NUMB: variants seen among roughly 807,000 people sequenced by gnomAD.
NUMB encodes the protein protein numb homolog.
In NUMB, 29 loss-of-function variants were observed where a neutral mutation model predicts 59.7. The observed-to-expected ratio is 0.49, with a 90% CI of 0.36 to 0.66. The LOEUF (loss-of-function observed/expected upper bound fraction) is 0.66, where lower values mean the gene tolerates loss of function less well. Among genes scored for constraint, NUMB ranks in the 30% least tolerant of loss-of-function variants. The pLI is 0.00. For missense variants in NUMB, 723 were observed against 822.0 expected (o/e 0.88, Z 1.47); for synonymous variants, 288 against 288.2 (o/e 1.00, Z 0.01).
intron 7 of NUMB, among the ~76,000 whole-genome samples, chr14:73,296,942 C>A (rs941686852): frequency 2.0e-5 from 3 of 151,550 alleles, no homozygotes; most frequent in African/African-American, 7.3e-5. Flanking sequence ...CCGAGGTGGG[C>A]GGATCACCTG....
chr14:73,390,636 G>GTTTTTT (rs1895795045), intron 2 of NUMB, among the ~76,000 whole-genome samples: 4 of 60,070 alleles, frequency 6.7e-5, no homozygotes, highest in African/African-American at 1.1e-4. Context: ...CAAAAACAAA[G>GTTTTTT]TCTTTTTTTT....
chr14:73,442,021 T>C (rs576711275), intron 1 of NUMB, among the ~76,000 whole-genome samples: 6 of 152,002 alleles, frequency 3.9e-5, no homozygotes, highest in African/African-American at 1.2e-4. Context: ...CCATATAACC[T>C]AGCAATTCCA....
intron 4 of NUMB, among the ~76,000 whole-genome samples, chr14:73,332,151 A>G (rs1447252219): frequency 6.6e-6 from 1 of 152,106 alleles, no homozygotes; most frequent in Non-Finnish European, 1.5e-5. Context: ...AGGAGGTTCC[A>G]GTTCTATGCT....
At chr14:73,280,169 A>T (rs997270067) in intron 11 of NUMB, among the ~76,000 whole-genome samples, 1 of 151,880 alleles carries the variant, frequency 6.6e-6, no homozygotes, top group East Asian at 1.9e-4. Context: ...ACAAAAAAAA[A>T]TTACTCTTTG....
At position 73,345,764 on chromosome 14, in the gene NUMB, C is replaced by T. The variant is rs147841409; in HGVS notation, c.126+9862G>A. Among the ~76,000 whole-genome samples, 63 of 151,742 alleles carry T rather than the reference C, an allele frequency of 4.2e-4. 1 individual carries two copies. Among genetic ancestry groups the T allele is most frequent in the African/African-American group, 1.4e-3 (60 of 41,398 alleles). On this transcript the variant is annotated intron_variant, in intron 4 of 12. Coordinates refer to ENST00000555238, the MANE Select transcript of NUMB (RefSeq NM_001005743.2). ...CTCTACTAAAAATACAAAAATTAGC[C>T]GGGCGTGGTGGCAGGCACCTGTAAT...
chr14:73,416,437 A>G (rs1425544754), intron 1 of NUMB, among the ~76,000 whole-genome samples: 1 of 151,942 alleles, frequency 6.6e-6, no homozygotes, highest in Non-Finnish European at 1.5e-5. Context: ...CAACAATGGC[A>G]TATCAGTATA....
intron 2 of NUMB, among the ~76,000 whole-genome samples, chr14:73,380,049 G>A (rs1895152895): frequency 6.6e-6 from 1 of 152,186 alleles, no homozygotes; most frequent in South Asian, 2.1e-4. Flanking sequence ...GGTGACAATA[G>A]CTTGGACCAG....
intron 4 of NUMB, among the ~76,000 whole-genome samples, chr14:73,344,900 T>C (rs956510578): frequency 2.9e-4 from 44 of 152,206 alleles, no homozygotes; most frequent in Non-Finnish European, 1.2e-4. Flanking sequence ...AATACCAGCA[T>C]TAAAAAATAT....
At chr14:73,401,790 C>T (rs1047514161) in intron 2 of NUMB, among the ~76,000 whole-genome samples, 5 of 152,046 alleles carry the variant, frequency 3.3e-5, no homozygotes, top group Admixed American at 6.5e-5. Flanking sequence ...AGGATGGTCT[C>T]GATCTCCTGA....
At chr14:73,313,595 A>G (rs1279289878) in intron 6 of NUMB, among the ~76,000 whole-genome samples, 1 of 149,584 alleles carries the variant, frequency 6.7e-6, no homozygotes, top group African/African-American at 2.5e-5. Context: ...TAAAACACAA[A>G]TAACTTCTGC....
chr14:73,444,184 C>T (rs1180244318), intron 1 of NUMB, among the ~76,000 whole-genome samples: 1 of 152,128 alleles, frequency 6.6e-6, no homozygotes, highest in Admixed American at 6.6e-5. Flanking sequence ...TGGATCACGA[C>T]ATCAGGAGAT....
At chr14:73,299,585 TCATGTCATATATATGATATGA>T (rs1450509279) in intron 6 of NUMB, among the ~76,000 whole-genome samples, 8 of 128,762 alleles carry the variant, frequency 6.2e-5, no homozygotes, top group African/African-American at 7.7e-5. Flanking sequence ...ATGACATATG[TCATGTCATATATATGATATGA>T]CATATATATG....
chr14:73,391,292 T>TC (rs1488212301), intron 2 of NUMB, among the ~76,000 whole-genome samples: 1 of 151,104 alleles, frequency 6.6e-6, no homozygotes, highest in Admixed American at 6.6e-5. Flanking sequence ...TCTTTTTTTT[T>TC]TTTTGGATGA....
chr14:73,440,864 C>T (rs1293155530), intron 1 of NUMB, among the ~76,000 whole-genome samples: 4 of 140,328 alleles, frequency 2.9e-5, no homozygotes, highest in Non-Finnish European at 4.6e-5. Context: ...CTTGAGCCAG[C>T]GTGGTGGCTC....
At chr14:73,443,292 G>C (rs1248322111) in intron 1 of NUMB, among the ~76,000 whole-genome samples, 2 of 152,140 alleles carry the variant, frequency 1.3e-5, no homozygotes, top group Non-Finnish European at 2.9e-5. Context: ...TGGTATGTTT[G>C]GGTAAGAAAA....
At chr14:73,415,996 A>C (rs1897113324) in intron 1 of NUMB, among the ~76,000 whole-genome samples, 1 of 152,246 alleles carries the variant, frequency 6.6e-6, no homozygotes. Context: ...CAGTGAATTC[A>C]CAGAACTCAA....
chr14:73,396,037 T>A (rs1205307110), intron 2 of NUMB, among the ~76,000 whole-genome samples: 1 of 152,182 alleles, frequency 6.6e-6, no homozygotes, highest in Non-Finnish European at 1.5e-5. Flanking sequence ...TATTTTTATT[T>A]TTTTTATTTT....
chr14:73,419,917 G>A (rs1055131006), intron 1 of NUMB, among the ~76,000 whole-genome samples: 4 of 152,206 alleles, frequency 2.6e-5, no homozygotes, highest in Non-Finnish European at 5.9e-5. Context: ...CCAGAATGGA[G>A]TGCAGTAGTG....
At chr14:73,358,602 CTTTTTTT>C (rs35552161) in intron 3 of NUMB, among the ~76,000 whole-genome samples, 35,874 of 118,680 alleles carry the variant, frequency 0.3, 4,680 homozygotes, top group East Asian at 0.67. Context: ...GAAAGCTAGA[CTTTTTTT>C]TTTTTTTTTT....
Sources: gnomAD v4.1 joint callset for allele counts (sites outside exome capture counted in the v4.1 genomes callset) on GRCh38, gnomAD v4.1.1 for gene constraint, MANE v1.5 for transcripts, NCBI Gene and HGNC (gene_info 2026-07-23, HGNC 2026-07-21) for gene names.